Variants in SGCZ observed in about 807,000 individuals in gnomAD.
SGCZ encodes zeta-sarcoglycan.
In SGCZ, 40 loss-of-function variants were observed where a neutral mutation model predicts 41.3. The observed-to-expected ratio is 0.97, with a 90% CI of 0.75 to 1.26. The LOEUF (loss-of-function observed/expected upper bound fraction) is 1.26, where lower values mean the gene tolerates loss of function less well. Ranked by LOEUF, SGCZ falls within the 50% of genes most tolerant of loss-of-function variation. The pLI is 0.00. For missense variants in SGCZ, 552 were observed against 369.8 expected (o/e 1.49, Z -4.04); for synonymous variants, 206 against 137.5 (o/e 1.50, Z -3.49).
chr8:14,290,215 G>T (rs541910663), intron 3 of SGCZ, among the ~76,000 whole-genome samples: 1 of 152,104 alleles, frequency 6.6e-6, no homozygotes, highest in East Asian at 1.9e-4. Flanking sequence ...TTAAACGTAA[G>T]ACTCAAAACT....
At chr8:15,043,843 T>C (rs10100240) in intron 1 of SGCZ, among the ~76,000 whole-genome samples, 16,591 of 152,076 alleles carry the variant, frequency 0.11, 1,117 homozygotes, top group African/African-American at 0.17. Context: ...AGTGCTTTAG[T>C]GTTATAAGTG....
chr8:14,717,996 G>T (rs1345253575), intron 1 of SGCZ, among the ~76,000 whole-genome samples: 2 of 144,998 alleles, frequency 1.4e-5, no homozygotes, highest in Non-Finnish European at 1.5e-5. Flanking sequence ...TCTAAAATAA[G>T]ATATATATAT....
At chr8:14,563,500 C>T (rs1804269458) in intron 1 of SGCZ, among the ~76,000 whole-genome samples, 1 of 152,174 alleles carries the variant, frequency 6.6e-6, no homozygotes, top group Non-Finnish European at 1.5e-5. Context: ...TAAATACAAA[C>T]TATCAATAGA....
intron 1 of SGCZ, among the ~76,000 whole-genome samples, chr8:14,997,234 G>T (rs548398367): frequency 6.6e-6 from 1 of 152,032 alleles, no homozygotes; most frequent in African/African-American, 2.4e-5. Context: ...TTCGATTCTA[G>T]GTTCCTTTAA....
chr8:15,218,908 C>A (rs963335844), intron 1 of SGCZ, among the ~76,000 whole-genome samples: 4 of 152,076 alleles, frequency 2.6e-5, no homozygotes, highest in Non-Finnish European at 4.4e-5. Flanking sequence ...GTCACACAGC[C>A]CACAAGTGGC....
At chr8:15,132,458 G>A (rs992122435) in intron 1 of SGCZ, among the ~76,000 whole-genome samples, 3 of 152,166 alleles carry the variant, frequency 2.0e-5, no homozygotes, top group Admixed American at 6.5e-5. Context: ...AATAGGCAAG[G>A]CATGAATGAA....
At position 14,317,671 on chromosome 8, in the gene SGCZ, G is replaced by T. The variant is rs539976723; in HGVS notation, c.336+6432C>A. Among the ~76,000 whole-genome samples the T allele has an allele frequency of 2.6e-5, 4 of 152,020 alleles. 1 individual carries two copies. Among genetic ancestry groups the T allele is most frequent in the Admixed American group, 1.3e-4 (2 of 15,214 alleles). ...AATGTTTCTGAACAACACGAAAGAG[G>T]TTTAGAAAGAAATGAGAGAAGAGCC... On this transcript the variant is annotated intron_variant, in intron 3 of 7. Coordinates refer to ENST00000382080, the MANE Select transcript of SGCZ (RefSeq NM_139167.4).
At chr8:14,315,532 T>C (rs914779779) in intron 3 of SGCZ, among the ~76,000 whole-genome samples, 8 of 152,096 alleles carry the variant, frequency 5.3e-5, no homozygotes, top group Non-Finnish European at 1.0e-4. Context: ...CACAATTTAA[T>C]AGTAACTCCC....
chr8:14,565,515 A>AC (rs1261871055), intron 1 of SGCZ, among the ~76,000 whole-genome samples: 1 of 151,094 alleles, frequency 6.6e-6, no homozygotes, highest in Non-Finnish European at 1.5e-5. Context: ...GTCCACGGGC[A>AC]CCATTTACAC....
rs1482144936 is a variant in SGCZ at position 15,097,911 on chromosome 8, C to CTT, written c.39+139673_39+139674insAA. On this transcript the variant is annotated intron_variant, in intron 1 of 7. Transcript: ENST00000382080. ...GTGTATATATATATATATATATATA[C>CTT]GTGTGTATATATATATATATACATA... Among the ~76,000 whole-genome samples, 290 of 90,306 alleles carry CTT rather than the reference C, an allele frequency of 3.2e-3. 2 individuals are homozygous for CTT. Among genetic ancestry groups the CTT allele is most frequent in the African/African-American group, 9.0e-3 (188 of 20,958 alleles). 59.2% of individuals were successfully genotyped at this position (90,306 alleles called of 152,430 possible). A position where few individuals can be genotyped will look rare whatever the true frequency, so the allele number is the denominator to read the frequency against.
intron 1 of SGCZ, among the ~76,000 whole-genome samples, chr8:15,043,429 T>A (rs904799616): frequency 2.6e-5 from 4 of 152,272 alleles, no homozygotes; most frequent in African/African-American, 7.2e-5. Flanking sequence ...ATCAAATAGA[T>A]AATTCACATT....
chr8:14,527,077 A>T (rs1011782549), intron 2 of SGCZ, among the ~76,000 whole-genome samples: 1 of 152,076 alleles, frequency 6.6e-6, no homozygotes, highest in Non-Finnish European at 1.5e-5. Context: ...CCTCACTAGC[A>T]TGTGTATGAA....
chr8:15,127,445 T>C (rs752895813), intron 1 of SGCZ, among the ~76,000 whole-genome samples: 1 of 152,188 alleles, frequency 6.6e-6, no homozygotes, highest in Non-Finnish European at 1.5e-5. Context: ...CTAGACCAGA[T>C]ATAGAGAGCA....
At position 14,907,659 on chromosome 8, in the gene SGCZ, T is replaced by C. The variant is rs188954407; in HGVS notation, c.39+329926A>G. The stretch of plus-strand genomic sequence containing the variant: ...AAGTTCAAGTCCAATCTGGGCAACA[T>C]AGTAAGACCCTGACTCAAAAAATAA... On this transcript the variant is annotated intron_variant, in intron 1 of 7. Transcript: ENST00000382080. 8.5e-5 allele frequency among the ~76,000 whole-genome samples: 13 copies of C among 152,228 alleles called. No homozygotes were observed. In the East Asian group the frequency reaches 2.3e-3, roughly 27 times the overall value.
At chr8:14,146,890 A>AAATAATAATAATAATAAT (rs1554467202) in intron 5 of SGCZ, among the ~76,000 whole-genome samples, 4 of 116,186 alleles carry the variant, frequency 3.4e-5, no homozygotes, top group African/African-American at 1.4e-4. Flanking sequence ...AAAATAAAAA[A>AAATAATAATAATAATAAT]AATAATAATA....
chr8:14,749,093 ATCT>A (rs1294414151), intron 1 of SGCZ, among the ~76,000 whole-genome samples: 4 of 152,282 alleles, frequency 2.6e-5, no homozygotes, highest in African/African-American at 4.8e-5. Flanking sequence ...AAGTGAATTA[ATCT>A]TCTATTCATA....
intron 5 of SGCZ, among the ~76,000 whole-genome samples, chr8:14,151,663 T>C (rs1803713627): frequency 6.6e-6 from 1 of 151,988 alleles, no homozygotes; most frequent in Non-Finnish European, 1.5e-5. Context: ...ATAATAATAT[T>C]GAAATAAAGA....
At chr8:14,301,719 T>C (rs945234571) in intron 3 of SGCZ, among the ~76,000 whole-genome samples, 3 of 152,142 alleles carry the variant, frequency 2.0e-5, no homozygotes, top group Non-Finnish European at 2.9e-5. Flanking sequence ...GGAAAGACAG[T>C]GAGAAGAATA....
At chr8:14,093,663 G>A (rs1801755776) in intron 7 of SGCZ, among the ~76,000 whole-genome samples, 1 of 151,900 alleles carries the variant, frequency 6.6e-6, no homozygotes, top group Non-Finnish European at 1.5e-5. Context: ...TTAAATTTCT[G>A]AACCATAAGA....
Sources: gnomAD v4.1 joint callset for allele counts (sites outside exome capture counted in the v4.1 genomes callset) on GRCh38, gnomAD v4.1.1 for gene constraint, MANE v1.5 for transcripts, NCBI Gene and HGNC (gene_info 2026-07-23, HGNC 2026-07-21) for gene names.